Variants in CIMAP3 observed in about 807,000 individuals in gnomAD.
CIMAP3 encodes the protein ciliary microtubule associated protein 3.
chr1:111,345,910 T>C, the CIMAP3 span, among the ~76,000 whole-genome samples: 1 of 152,230 alleles, frequency 6.6e-6, no homozygotes, highest in East Asian at 1.9e-4. Flanking sequence ...TGAACTGTTT[T>C]AATCCCGTCA....
chr1:111,344,800 AATACAGTC>A, the CIMAP3 span, among the ~76,000 whole-genome samples: 1 of 152,236 alleles, frequency 6.6e-6, no homozygotes, highest in Admixed American at 6.5e-5. Flanking sequence ...AATCCATACC[AATACAGTC>A]ATACACCACA....
chr1:111,336,853 A>T, the CIMAP3 span, among the ~76,000 whole-genome samples: 2 of 152,090 alleles, frequency 1.3e-5, no homozygotes, highest in Non-Finnish European at 2.9e-5. Context: ...AGAACACCAC[A>T]AAGATACTCC....
At chr1:111,336,268 A>G in the CIMAP3 span, among the ~76,000 whole-genome samples, 1 of 152,190 alleles carries the variant, frequency 6.6e-6, no homozygotes, top group Non-Finnish European at 1.5e-5. Context: ...GAGAAGAAAA[A>G]CTGGAAACTC....
At chr1:111,344,296 C>A in the CIMAP3 span, among the ~76,000 whole-genome samples, 1 of 152,118 alleles carries the variant, frequency 6.6e-6, no homozygotes, top group African/African-American at 2.4e-5. Flanking sequence ...ACCCTTATTC[C>A]TAGGGTTTAT....
the CIMAP3 span, among the ~76,000 whole-genome samples, chr1:111,335,158 GAAAA>G: frequency 1.0e-5 from 1 of 97,214 alleles, no homozygotes; most frequent in African/African-American, 3.5e-5. Flanking sequence ...AAAAAAGACA[GAAAA>G]AAAAAGAAAC....
At chr1:111,329,859 C>A in the CIMAP3 span, among the ~76,000 whole-genome samples, 2 of 151,972 alleles carry the variant, frequency 1.3e-5, no homozygotes, top group Non-Finnish European at 2.9e-5. Flanking sequence ...CAGTCATAAT[C>A]CCATATTTCT....
At chr1:111,347,637 T>TGG in the CIMAP3 span, 2 of 1,189,004 alleles carry the variant, frequency 1.7e-6, no homozygotes, top group Non-Finnish European at 1.2e-6. Flanking sequence ...TTTTTTTTTT[T>TGG]GGTGTTTTTG....
At chr1:111,347,025 A>T in the CIMAP3 span, 1 of 1,613,602 alleles carries the variant, frequency 6.2e-7, no homozygotes, top group Non-Finnish European at 8.5e-7. Context: ...CACCCCACAG[A>T]GGGCCTGGGT....
chr1:111,342,970 G>C, the CIMAP3 span, among the ~76,000 whole-genome samples: 2 of 152,056 alleles, frequency 1.3e-5, no homozygotes, highest in Non-Finnish European at 2.9e-5. Flanking sequence ...CTGTATATCT[G>C]GTTTTGGTTT....
chr1:111,334,778 G>C, the CIMAP3 span, among the ~76,000 whole-genome samples: 9 of 151,882 alleles, frequency 5.9e-5, no homozygotes, highest in African/African-American at 2.2e-4. Context: ...GGCTCTCAAC[G>C]GCAGAATGGA....
chr1:111,332,044 G>A, the CIMAP3 span, among the ~76,000 whole-genome samples: 2 of 152,174 alleles, frequency 1.3e-5, no homozygotes, highest in Non-Finnish European at 2.9e-5. Flanking sequence ...AGTTTTGTCA[G>A]AGTGGGCTCA....
the CIMAP3 span, chr1:111,346,842 C>T: frequency 8.2e-6 from 13 of 1,590,926 alleles, no homozygotes; most frequent in Admixed American, 1.0e-4. Context: ...CCGACCTTCC[C>T]CTCCCGGAAC....
At chr1:111,334,934 C>G in the CIMAP3 span, among the ~76,000 whole-genome samples, 1 of 151,824 alleles carries the variant, frequency 6.6e-6, no homozygotes, top group Admixed American at 6.6e-5. Context: ...TTGAGACCAG[C>G]CTGGCCAACA....
At chr1:111,341,740 A>G in the CIMAP3 span, among the ~76,000 whole-genome samples, 1 of 152,196 alleles carries the variant, frequency 6.6e-6, no homozygotes, top group African/African-American at 2.4e-5. Context: ...GAGTCTGTTG[A>G]TTGGATGACT....
chr1:111,330,901 G>A, the CIMAP3 span, among the ~76,000 whole-genome samples: 76 of 152,306 alleles, frequency 5.0e-4, 2 homozygotes, highest in South Asian at 9.1e-3. Flanking sequence ...GGGACCCATG[G>A]GAGATGAGCT....
chr1:111,335,201 A>C, the CIMAP3 span, among the ~76,000 whole-genome samples: 1 of 151,722 alleles, frequency 6.6e-6, no homozygotes, highest in African/African-American at 2.4e-5. Context: ...AAAACAGAAA[A>C]TTTCCTACAA....
the CIMAP3 span, chr1:111,351,229 A>G: frequency 2.6e-6 from 4 of 1,562,986 alleles, no homozygotes; most frequent in Admixed American, 3.5e-5. Flanking sequence ...TCATTAGAAT[A>G]TTGATCTAGA....
At chr1:111,335,307 G>A in the CIMAP3 span, among the ~76,000 whole-genome samples, 2 of 152,128 alleles carry the variant, frequency 1.3e-5, no homozygotes, top group Non-Finnish European at 2.9e-5. Context: ...TTCCATCTGA[G>A]GTACCGGGTT....
the CIMAP3 span, among the ~76,000 whole-genome samples, chr1:111,340,713 G>A: frequency 6.6e-6 from 1 of 152,170 alleles, no homozygotes; most frequent in South Asian, 2.1e-4. Context: ...ACAGCAAGGT[G>A]CTAGAGAGGA....
Sources: allele counts gnomAD v4.1 joint callset (sites outside exome capture counted in the v4.1 genomes callset), GRCh38; gene constraint gnomAD v4.1.1; transcripts MANE v1.5; gene names NCBI Gene and HGNC (gene_info 2026-07-23, HGNC 2026-07-21).